The following LRCH3 variants were observed in gnomAD, a reference collection of about 807,000 sequenced individuals.
The protein encoded by LRCH3 is DISP complex protein LRCH3.
Under a neutral mutation model 104.5 loss-of-function variants are expected in LRCH3, and 68 were observed. That is an observed-to-expected ratio of 0.65 (90% CI 0.54 to 0.80). The LOEUF (loss-of-function observed/expected upper bound fraction) is 0.80, where lower values mean the gene tolerates loss of function less well. LRCH3 is among the 30% of genes least tolerant of loss of function. The pLI is 0.00. For synonymous variants in LRCH3, 344 were observed against 361.3 expected, an observed-to-expected ratio of 0.95 and a Z score of 0.54; for missense variants, 951 against 953.9, an observed-to-expected ratio of 1.00 and a Z score of 0.04.
chr3:197,807,280 G>C (rs200470951), intron 1 of LRCH3, among the ~76,000 whole-genome samples: 1 of 150,578 alleles, frequency 6.6e-6, no homozygotes, highest in South Asian at 2.1e-4. Flanking sequence ...GCAGTGGCGC[G>C]ATCTCGGGTC....
intron 1 of LRCH3, among the ~76,000 whole-genome samples, chr3:197,807,046 A>G (rs1232200842): frequency 6.6e-6 from 1 of 151,522 alleles, no homozygotes; most frequent in Non-Finnish European, 1.5e-5. Context: ...GTCAAAAAAA[A>G]AAAACAAACA....
rs979498083 is a variant in LRCH3, at chr3:197,870,214, C to T, written c.1928C>T (p.Ser643Phe). Residue 643 changes from serine to phenylalanine, a missense_variant, in exon 18 of 21, where the codon TCC (serine) becomes TTC (phenylalanine). By Grantham distance (155) the Ser-to-Phe change is radical. Transcript: ENST00000425562. ...SAAPTTDSTD[S>F]ITGQNSRQRE... ...GCACCTACCACTGATTCTACAGATT[C>T]CATAACAGGACAGAATTCAAGACAG... 28 of 1,612,804 alleles carry T rather than the reference C, an allele frequency of 1.7e-5. No homozygotes were observed. The highest frequency in any genetic ancestry group is 1.7e-5 in the Admixed American group (1 of 59,994).
rs150528096 is a variant in LRCH3 at position 197,870,658 on chromosome 3, G to A, written c.1992+380G>A. Among the ~76,000 whole-genome samples, 1,253 of 151,970 alleles carry A rather than the reference G, an allele frequency of 8.2e-3. 7 individuals carry two copies. Among genetic ancestry groups the A allele is most frequent in the Non-Finnish European group, 0.01 (701 of 67,986 alleles). ...TGGGATGGCAGGCGTGAGCTTCCGC[G>A]CCCGGCTGTAATTTTTAACAGATTA... On this transcript the variant is annotated intron_variant, in intron 18 of 20. Coordinates refer to ENST00000425562, the MANE Select transcript of LRCH3 (RefSeq NM_001365715.1).
At chr3:197,814,001 G>GTGA (rs1733525093) in intron 1 of LRCH3, among the ~76,000 whole-genome samples, 2 of 152,162 alleles carry the variant, frequency 1.3e-5, no homozygotes, top group African/African-American at 4.8e-5. Context: ...TGTTTACTCA[G>GTGA]TGATACCTTT....
At chr3:197,845,906 A>G (rs1738613125) in intron 10 of LRCH3, among the ~76,000 whole-genome samples, 1 of 152,148 alleles carries the variant, frequency 6.6e-6, no homozygotes. Flanking sequence ...TCTGTCTCAA[A>G]ACAAAACAAA....
At chr3:197,802,531 C>G (rs374285243) in intron 1 of LRCH3, among the ~76,000 whole-genome samples, 1 of 151,972 alleles carries the variant, frequency 6.6e-6, no homozygotes, top group African/African-American at 2.4e-5. Context: ...TCGTAAAATG[C>G]GTTTGGAAGT....
rs1426881518 is a variant in LRCH3 at position 197,884,148 on chromosome 3, A to T, written c.*482A>T. ...CTAGGAATCTGCATTTTCAACAACC[A>T]TTGCACATGTTTTTGTTTTTGTTGG... On this transcript the variant is annotated 3_prime_UTR_variant, in exon 21 of 21. Coordinates refer to ENST00000425562, the MANE Select transcript of LRCH3 (RefSeq NM_001365715.1). The T allele has an allele frequency of 6.5e-6, 1 of 153,046 alleles. No individual in the cohort carries two copies. Among genetic ancestry groups the T allele is most frequent in the African/African-American group, 2.4e-5 (1 of 41,456 alleles). The allele number at this position is 153,046 out of a possible 1,614,324, so 9.5% of individuals were successfully genotyped here. A position where few individuals can be genotyped will look rare whatever the true frequency, so the allele number is the denominator to read the frequency against.
intron 19 of LRCH3, among the ~76,000 whole-genome samples, chr3:197,875,247 GC>G (rs1161015208): frequency 1.3e-5 from 2 of 152,068 alleles, no homozygotes; most frequent in African/African-American, 4.8e-5. Context: ...AGTTCTTATG[GC>G]CCTCAGAACT....
chr3:197,833,624 A>G (rs1736273345), intron 8 of LRCH3, among the ~76,000 whole-genome samples: 1 of 152,202 alleles, frequency 6.6e-6, no homozygotes, highest in South Asian at 2.1e-4. Flanking sequence ...TTCCTTTGAA[A>G]AAAAGCGTGT....
chr3:197,796,479 T>C (rs1381999230), intron 1 of LRCH3, among the ~76,000 whole-genome samples: 2 of 152,170 alleles, frequency 1.3e-5, no homozygotes, highest in Non-Finnish European at 2.9e-5. Flanking sequence ...CAAATGCTGA[T>C]TGAATTTATT....
At chr3:197,816,816 C>A (rs904416015) in intron 2 of LRCH3, among the ~76,000 whole-genome samples, 1 of 151,896 alleles carries the variant, frequency 6.6e-6, no homozygotes, top group African/African-American at 2.4e-5. Flanking sequence ...TGATATTATC[C>A]ACCTTTTAAA....
rs1714048185 is a variant in LRCH3, at chr3:197,884,543, CCT to C, written c.*880_*881del. ...TACAGGCGTGAGCCACTGTGCCCGG[CCT>C]CTGAGGGTGCTGGGATTACAGGCGT... On this transcript the variant is annotated 3_prime_UTR_variant, in exon 21 of 21. Transcript: ENST00000425562. 1 of 152,892 alleles carries C rather than the reference CCT, an allele frequency of 6.5e-6. No homozygotes were observed. Among genetic ancestry groups the C allele is most frequent in the Admixed American group, 6.5e-5 (1 of 15,280 alleles). The allele number at this position is 152,892 out of a possible 1,614,324, so 9.5% of individuals were successfully genotyped here.
At chr3:197,861,759 T>C (rs1306653195) in intron 15 of LRCH3, among the ~76,000 whole-genome samples, 1 of 152,188 alleles carries the variant, frequency 6.6e-6, no homozygotes, top group Non-Finnish European at 1.5e-5. Flanking sequence ...GCCTCAATTC[T>C]CTAGTGAGAG....
chr3:197,815,287 C>T (rs1396707482), intron 2 of LRCH3, among the ~76,000 whole-genome samples: 4 of 152,116 alleles, frequency 2.6e-5, no homozygotes, highest in African/African-American at 9.7e-5. Flanking sequence ...TCCCAGTAAA[C>T]CCATCTAAGT....
chr3:197,835,809 G>A lies in LRCH3; in HGVS notation c.1238G>A (p.Arg413Gln), dbSNP rs571384152. Reference sequence around the variant, plus strand: ...TTTATGGCGTATATTGAACAGCGGCGAATCTCTCATGAGGTAGTACACAGA... The same window carrying A: ...TTTATGGCGTATATTGAACAGCGGCAAATCTCTCATGAGGTAGTACACAGA... The part of the protein sequence containing the change: ...SQFMAYIEQR[R>Q]ISHEGSPVKP... Residue 413 changes from arginine (R) to glutamine (Q), a missense_variant, in exon 9 of 21, where the codon CGA becomes CAA. Physicochemically the swap from Arg to Gln is conservative, Grantham distance 43. Transcript: ENST00000425562. The A allele has an allele frequency of 1.1e-4, 171 of 1,614,074 alleles. No homozygotes were observed. Among genetic ancestry groups the A allele is most frequent in the African/African-American group, 7.9e-4 (59 of 75,024 alleles).
rs1308879284 is a variant in LRCH3, at chr3:197,881,101, C to T, written c.2209-2440C>T. The T allele has an allele frequency of 1.0e-5, 11 of 1,064,490 alleles. No individual in the cohort carries two copies. The East Asian group carries it at 8.3e-4, about 81-fold the overall frequency. The allele number at this position is 1,064,490 out of a possible 1,614,324, so 65.9% of individuals were successfully genotyped here. A position where few individuals can be genotyped will look rare whatever the true frequency, so the allele number is the denominator to read the frequency against. On this transcript the variant is annotated intron_variant, in intron 20 of 20. Transcript: ENST00000425562. Reference sequence around the variant, plus strand: ...ACTCCCATCTGGCCATTTTTCCGTGCCTCAGCACAAGTGTTGAATTGTGGA... The same window carrying T: ...ACTCCCATCTGGCCATTTTTCCGTGTCTCAGCACAAGTGTTGAATTGTGGA...
intron 20 of LRCH3, among the ~76,000 whole-genome samples, chr3:197,879,980 CTG>C (rs1248125684): frequency 2.7e-5 from 4 of 148,924 alleles, no homozygotes; most frequent in Admixed American, 1.3e-4. Context: ...GAGTCTCGCT[CTG>C]TCACCCAGGC....
At chr3:197,833,921 T>C (rs1387938190) in intron 8 of LRCH3, among the ~76,000 whole-genome samples, 1 of 152,270 alleles carries the variant, frequency 6.6e-6, no homozygotes, top group Non-Finnish European at 1.5e-5. Flanking sequence ...TGCATTTATG[T>C]ACCTGGTTTC....
chr3:197,847,315 C>G lies in LRCH3; in HGVS notation c.1329-94C>G. 4 of 1,177,600 alleles carry G rather than the reference C, an allele frequency of 3.4e-6. No homozygotes were observed. The South Asian group carries it at 6.0e-5, about 18-fold the overall frequency. The allele number at this position is 1,177,600 out of a possible 1,614,324, so 72.9% of individuals were successfully genotyped here. A position where few individuals can be genotyped will look rare whatever the true frequency, so the allele number is the denominator to read the frequency against. ...CAGTTTGCTACTGATTAATAGAAAG[C>G]TACATTTACAATAAAAATTTCATTT... is the stretch of plus-strand genomic sequence containing the variant. On this transcript the variant is annotated intron_variant, in intron 10 of 20. Coordinates refer to ENST00000425562, the MANE Select transcript of LRCH3 (RefSeq NM_001365715.1).
Sources: gnomAD v4.1 joint callset for allele counts (sites outside exome capture counted in the v4.1 genomes callset) on GRCh38, gnomAD v4.1.1 for gene constraint, MANE v1.5 for transcripts, NCBI Gene and HGNC (gene_info 2026-07-23, HGNC 2026-07-21) for gene names.